ZNF469: variants seen among roughly 807,000 people sequenced by gnomAD.
ZNF469 encodes zinc finger protein 469.
ZNF469 carries 1 observed loss-of-function variant against 1.0 expected under a neutral mutation model. That is an observed-to-expected ratio of 1.00 (90% CI 0.35 to 4.73). The LOEUF (loss-of-function observed/expected upper bound fraction) is 4.73, where lower values mean the gene tolerates loss of function less well. ZNF469 is among the 30% of genes most tolerant of loss of function. The pLI, the probability that ZNF469 is intolerant of heterozygous loss-of-function variation, is 0.16. For missense variants in ZNF469, 6,100 were observed against 5,356.3 expected, an observed-to-expected ratio of 1.14 and a Z score of -4.33; for synonymous variants, 2,703 against 2,363.4, an observed-to-expected ratio of 1.14 and a Z score of -4.17.
At chr16:88,235,095 C>T in the ZNF469 span, among the ~76,000 whole-genome samples, 4 of 152,122 alleles carry the variant, frequency 2.6e-5, no homozygotes, top group Non-Finnish European at 5.9e-5. Context: ...CTTGGGAAGG[C>T]CCGGCGCTGG....
chr16:88,212,330 G>A, the ZNF469 span, among the ~76,000 whole-genome samples: 2 of 152,112 alleles, frequency 1.3e-5, no homozygotes, highest in Non-Finnish European at 2.9e-5. Flanking sequence ...TCTTTTCCAT[G>A]ACTTCACTTA....
At chr16:88,220,015 T>C in the ZNF469 span, among the ~76,000 whole-genome samples, 1 of 152,216 alleles carries the variant, frequency 6.6e-6, no homozygotes, top group African/African-American at 2.4e-5. Flanking sequence ...TTCCTGGTTC[T>C]CCCCTCTCCA....
the ZNF469 span, among the ~76,000 whole-genome samples, chr16:88,346,937 C>T: frequency 6.6e-6 from 1 of 152,160 alleles, no homozygotes; most frequent in Admixed American, 6.5e-5. Context: ...GCTGGCCTGG[C>T]CACCCTCGGG....
chr16:88,233,064 C>T, the ZNF469 span, among the ~76,000 whole-genome samples: 2 of 152,172 alleles, frequency 1.3e-5, no homozygotes, highest in Non-Finnish European at 2.9e-5. Flanking sequence ...CCCGGGGGAG[C>T]CTCTGTCTGC....
chr16:88,373,377 A>G, the ZNF469 span, among the ~76,000 whole-genome samples: 1 of 152,114 alleles, frequency 6.6e-6, no homozygotes, highest in Admixed American at 6.5e-5. Flanking sequence ...GCCTTGAGAG[A>G]CAGCATCTCA....
At chr16:88,397,630 T>TATAAATAA (rs1481341684) in intron 1 of ZNF469, among the ~76,000 whole-genome samples, 4 of 88,680 alleles carry the variant, frequency 4.5e-5, no homozygotes, top group East Asian at 3.6e-4. Flanking sequence ...GGTGGATGGA[T>TATAAATAA]GGATGGATGG....
At chr16:88,351,582 G>A in the ZNF469 span, among the ~76,000 whole-genome samples, 5 of 152,144 alleles carry the variant, frequency 3.3e-5, no homozygotes, top group Non-Finnish European at 4.4e-5. Flanking sequence ...TGTCCTCCGC[G>A]AAAGGACAAA....
chr16:88,272,814 G>A, the ZNF469 span, among the ~76,000 whole-genome samples: 910 of 92,138 alleles, frequency 9.9e-3, 7 homozygotes, highest in Non-Finnish European at 0.014. Flanking sequence ...AGACGAGTGG[G>A]CAGATGGATG....
At chr16:88,257,128 T>G in the ZNF469 span, among the ~76,000 whole-genome samples, 1 of 149,178 alleles carries the variant, frequency 6.7e-6, no homozygotes, top group Non-Finnish European at 1.5e-5. Flanking sequence ...TTTTTTTTTT[T>G]TTTTTTTGCA....
At chr16:88,354,083 G>A in the ZNF469 span, among the ~76,000 whole-genome samples, 17 of 152,210 alleles carry the variant, frequency 1.1e-4, no homozygotes, top group African/African-American at 4.1e-4. Context: ...CTCAGCACTG[G>A]GGACAGTTTC....
chr16:88,216,198 A>T, the ZNF469 span, among the ~76,000 whole-genome samples: 50,302 of 151,948 alleles, frequency 0.33, 8,577 homozygotes, highest in Non-Finnish European at 0.35. Context: ...TTCAGCACTT[A>T]AAAGATATTA....
At chr16:88,404,158 C>T (rs1427479112) in intron 1 of ZNF469, among the ~76,000 whole-genome samples, 1 of 146,284 alleles carries the variant, frequency 6.8e-6, no homozygotes, top group Non-Finnish European at 1.5e-5. Flanking sequence ...ACAAGAGCAG[C>T]GAGAGACATG....
intron 1 of ZNF469, among the ~76,000 whole-genome samples, chr16:88,402,123 G>T (rs1339423669): frequency 1.4e-5 from 2 of 146,510 alleles, no homozygotes; most frequent in East Asian, 4.1e-4. Context: ...GGGTGGATGG[G>T]TAGATGGATG....
At chr16:88,347,967 G>A in the ZNF469 span, among the ~76,000 whole-genome samples, 7 of 152,230 alleles carry the variant, frequency 4.6e-5, no homozygotes, top group African/African-American at 1.7e-4. Context: ...GCTCCGCCAG[G>A]TGTCAGGAGC....
At chr16:88,133,501 A>G in the ZNF469 span, among the ~76,000 whole-genome samples, 3 of 152,250 alleles carry the variant, frequency 2.0e-5, no homozygotes, top group African/African-American at 7.2e-5. Context: ...TCTCACAGGA[A>G]GATTTAATTT....
chr16:88,433,186 C>A lies in ZNF469; in HGVS notation c.5716C>A (p.Gln1906Lys). 1 of 1,550,362 alleles carries A rather than the reference C, an allele frequency of 6.5e-7. No homozygotes were observed. Among genetic ancestry groups the A allele is most frequent in the Non-Finnish European group, 8.7e-7 (1 of 1,146,942 alleles). ...TTTGAGCCCCCCCATACGTCAGCTC[C>A]AGCTCCCAGGGCCTGGAGTGGCTAA... The part of the protein sequence containing the change: ...PALSPPIRQL[Q>K]LPGPGVAKSK... Residue 1906 changes from glutamine (Q) to lysine (K), a missense_variant, in exon 3 of 3, where the codon CAG (glutamine) becomes AAG (lysine). Gln to Lys is a moderately conservative substitution (Grantham distance 53). Transcript: ENST00000565624.
chr16:88,126,682 C>T, the ZNF469 span, among the ~76,000 whole-genome samples: 2 of 150,972 alleles, frequency 1.3e-5, no homozygotes, highest in African/African-American at 2.4e-5. Flanking sequence ...GAGACAAAGT[C>T]TTGCTCTGTA....
In ZNF469 at chr16:88,429,313, C is replaced by T; in HGVS notation, c.1843C>T (p.Pro615Ser). The T allele has an allele frequency of 6.5e-7, 1 of 1,549,956 alleles. No individual in the cohort carries two copies. Among genetic ancestry groups the T allele is most frequent in the Non-Finnish European group, 8.7e-7 (1 of 1,146,872 alleles). Reference protein sequence around the residue: ...CSSLSPMSSSPANPSSEESQL... With the variant: ...CSSLSPMSSSSANPSSEESQL... ...TTCCCTGTCGCCGATGTCCAGCAGC[C>T]CAGCCAACCCCAGCTCAGAGGAAAG... is the stretch of plus-strand genomic sequence containing the variant. The change falls in exon 3 of 3, where the codon CCA becomes TCA. Residue 615 changes from proline to serine, a missense_variant. Physicochemically the swap from Pro to Ser is moderately conservative, Grantham distance 74. Coordinates refer to ENST00000565624, the MANE Select transcript of ZNF469 (RefSeq NM_001367624.2).
the ZNF469 span, among the ~76,000 whole-genome samples, chr16:88,370,082 G>A: frequency 2.2e-4 from 33 of 152,380 alleles, no homozygotes; most frequent in East Asian, 5.6e-3. Context: ...TGGCCGGGAT[G>A]TCGACGCAGC....
Sources: gnomAD v4.1 joint callset for allele counts (sites outside exome capture counted in the v4.1 genomes callset) on GRCh38, gnomAD v4.1.1 for gene constraint, MANE v1.5 for transcripts, NCBI Gene and HGNC (gene_info 2026-07-23, HGNC 2026-07-21) for gene names.